The following SMCR8 variants were observed in gnomAD, a reference collection of about 807,000 sequenced individuals.
SMCR8 encodes the protein guanine nucleotide exchange protein SMCR8.
Under a neutral mutation model 56.6 loss-of-function variants are expected in SMCR8, and 30 were observed. The ratio of observed to expected loss-of-function variants is 0.53; its 90% confidence interval spans 0.40 to 0.72. The LOEUF is 0.72. Among genes scored for constraint, SMCR8 ranks in the 30% least tolerant of loss-of-function variants. SMCR8 has a pLI of 0.00. For synonymous variants in SMCR8, 538 were observed against 456.0 expected, an observed-to-expected ratio of 1.18 and a Z score of -2.29; for missense variants, 1,198 against 1,157.0, an observed-to-expected ratio of 1.04 and a Z score of -0.51.
rs1467892549 is a variant in SMCR8 at position 18,316,809 on chromosome 17, C to T, written c.1020C>T (p.His340=). The change falls in exon 1 of 2, where the codon CAC becomes CAT. Residue 340 remains histidine (H), a synonymous_variant. Coordinates refer to ENST00000406438, the MANE Select transcript of SMCR8 (RefSeq NM_144775.3). ...YFTQTLAQLS[H]IEHMFRGDLC... The stretch of plus-strand genomic sequence containing the variant: ...CCCAGACCCTGGCTCAGCTCAGCCA[C>T]ATTGAACACATGTTCAGAGGAGACC... 2 of 1,614,110 alleles carry T rather than the reference C, an allele frequency of 1.2e-6. No homozygotes were observed. The highest frequency in any genetic ancestry group is 3.3e-5 in the Admixed American group (2 of 60,014).
At position 18,317,380 on chromosome 17, in the gene SMCR8, G is replaced by C; in HGVS notation, c.1591G>C (p.Asp531His). 1 of 1,614,104 alleles carries C rather than the reference G, an allele frequency of 6.2e-7. No homozygotes were observed. Among genetic ancestry groups the C allele is most frequent in the East Asian group, 2.2e-5 (1 of 44,890 alleles). The change falls in exon 1 of 2, where the codon GAT becomes CAT. Residue 531 changes from aspartate (D) to histidine (H), a missense_variant. Transcript: ENST00000406438. ...STCPSEALIPDDFKASYPSAI... is the reference protein window; with the variant it reads ...STCPSEALIPHDFKASYPSAI... The stretch of plus-strand genomic sequence containing the variant: ...CTGCCCCTCTGAGGCCCTCATCCCT[G>C]ATGACTTTAAGGCCAGCTACCCAAG...
Position 18,327,154 on chromosome 17 carries a change from A to G in SMCR8, c.*4084A>G, listed in dbSNP as rs1982684619. 6.6e-6 allele frequency: 1 copy of G among 152,226 alleles called. No individual in the cohort carries two copies. Among genetic ancestry groups the G allele is most frequent in the African/African-American group, 2.4e-5 (1 of 41,464 alleles). 9.4% of individuals were successfully genotyped at this position (152,226 alleles called of 1,614,324 possible). A position where few individuals can be genotyped will look rare whatever the true frequency, so the allele number is the denominator to read the frequency against. On this transcript the variant is annotated 3_prime_UTR_variant, in exon 2 of 2. Transcript: ENST00000406438. ...CAATCTCAGCTGACAAGGCTGGGCA[A>G]ACTAAGTTTTCCTGAGCCCATTTTC...
At chr17:18,319,006 C>T (rs982081981) in intron 1 of SMCR8, among the ~76,000 whole-genome samples, 2 of 152,228 alleles carry the variant, frequency 1.3e-5, no homozygotes, top group Non-Finnish European at 2.9e-5. Context: ...GGGAGCCCTG[C>T]ACCCTGGAGG....
intron 1 of SMCR8, among the ~76,000 whole-genome samples, chr17:18,319,339 T>C (rs1193050068): frequency 6.6e-6 from 1 of 152,050 alleles, no homozygotes; most frequent in Non-Finnish European, 1.5e-5. Context: ...TGCTTGGCCC[T>C]GAGAAGCACT....
At position 18,322,510 on chromosome 17, in the gene SMCR8, T is replaced by C. The variant is rs971379442; in HGVS notation, c.2361-107T>C. ...TCTTCCAGGAAGAGCCAGTGCATGC[T>C]GGCTAGGTGGATGCTGGCCTGGGGA... is the stretch of plus-strand genomic sequence containing the variant. On this transcript the variant is annotated intron_variant, in intron 1 of 1. Transcript: ENST00000406438. The C allele has an allele frequency of 9.4e-6, 9 of 959,280 alleles. No homozygotes were observed. In the Admixed American group the frequency reaches 1.6e-4, roughly 17 times the overall value. The allele number at this position is 959,280 out of a possible 1,614,324, so 59.4% of individuals were successfully genotyped here.
At chr17:18,321,729 G>C (rs925446808) in intron 1 of SMCR8, among the ~76,000 whole-genome samples, 1 of 152,216 alleles carries the variant, frequency 6.6e-6, no homozygotes, top group Non-Finnish European at 1.5e-5. Flanking sequence ...ATACTTGGGA[G>C]GCCAAGGTGG....
In SMCR8 at chr17:18,316,587, G is replaced by T; in HGVS notation, c.798G>T (p.Leu266Phe). 6.2e-7 allele frequency: 1 copy of T among 1,614,218 alleles called. No individual in the cohort carries two copies. The change falls in exon 1 of 2, where the codon TTG becomes TTT. Residue 266 changes from leucine (L) to phenylalanine (F), a missense_variant. Physicochemically the swap from Leu to Phe is conservative, Grantham distance 22. Transcript: ENST00000406438. ...ATCGGAAGTTGAAGGGGCATGATTTGTGTCCTGGTGAGATGGAGCACATCC... is the reference window on the plus strand; with the variant it reads ...ATCGGAAGTTGAAGGGGCATGATTTTTGTCCTGGTGAGATGGAGCACATCC... ...YPHRKLKGHD[L>F]CPGEMEHIQD...
Position 18,318,037 on chromosome 17 carries a change from C to T in SMCR8, c.2248C>T (p.Leu750=), listed in dbSNP as rs149406002. The part of the protein sequence containing the change: ...EAIVRKLVTA[L]AIFVPSYGCY... The stretch of plus-strand genomic sequence containing the variant: ...CATAGTCAGGAAACTCGTGACTGCA[C>T]TGGCTATCTTTGTCCCCAGCTATGG... Residue 750 remains leucine, a synonymous_variant, in exon 1 of 2, where the codon CTG becomes TTG. Coordinates refer to ENST00000406438, the MANE Select transcript of SMCR8 (RefSeq NM_144775.3). 2.4e-5 allele frequency: 39 copies of T among 1,614,258 alleles called. No homozygotes were observed. In the Middle Eastern group the frequency reaches 4.9e-4, roughly 20 times the overall value.
chr17:18,320,916 C>T (rs1168159043), intron 1 of SMCR8, among the ~76,000 whole-genome samples: 1 of 152,202 alleles, frequency 6.6e-6, no homozygotes, highest in Non-Finnish European at 1.5e-5. Flanking sequence ...CCAGGTCTTC[C>T]CAACTACAGC....
At chr17:18,319,485 C>G (rs1300601933) in intron 1 of SMCR8, among the ~76,000 whole-genome samples, 1 of 152,162 alleles carries the variant, frequency 6.6e-6, no homozygotes, top group Non-Finnish European at 1.5e-5. Flanking sequence ...GCTGCAGAGG[C>G]TCTGCACTCT....
chr17:18,319,494 C>CT (rs1224855863), intron 1 of SMCR8, among the ~76,000 whole-genome samples: 2 of 152,164 alleles, frequency 1.3e-5, no homozygotes, highest in African/African-American at 4.8e-5. Flanking sequence ...GCTCTGCACT[C>CT]TGAGCACCAC....
At chr17:18,322,404 T>C (rs1054367585) in intron 1 of SMCR8, among the ~76,000 whole-genome samples, 9 of 152,200 alleles carry the variant, frequency 5.9e-5, no homozygotes, top group African/African-American at 1.9e-4. Context: ...CACAAAGGGC[T>C]TTGTGGGCCA....
chr17:18,316,383 G>T lies in SMCR8; in HGVS notation c.594G>T (p.Lys198Asn). ...RKAFAGELEK[K>N]LKDLDYTRTV... is the part of the protein sequence containing the mutation. ...CATTTGCTGGGGAACTTGAAAAAAA[G>T]CTGAAAGACTTGGATTACACCAGGA... Residue 198 changes from lysine to asparagine, a missense_variant, in exon 1 of 2, where the codon AAG becomes AAT. Lys to Asn is a moderately conservative substitution (Grantham distance 94). Transcript: ENST00000406438. The T allele has an allele frequency of 6.2e-7, 1 of 1,614,180 alleles. No individual in the cohort carries two copies. The highest frequency in any genetic ancestry group is 8.5e-7 in the Non-Finnish European group (1 of 1,180,040).
chr17:18,327,657 A>G lies in SMCR8; in HGVS notation c.*4587A>G, dbSNP rs1278753841. ...AGGTTGCAGTGAAAAGCATAATCCT[A>G]TGTGATGAATTTATATGTGTTATTT... On this transcript the variant is annotated 3_prime_UTR_variant, in exon 2 of 2. Coordinates refer to ENST00000406438, the MANE Select transcript of SMCR8 (RefSeq NM_144775.3). The G allele has an allele frequency of 6.6e-6, 1 of 152,350 alleles. No individual in the cohort carries two copies. The highest frequency in any genetic ancestry group is 3.4e-3 in the Middle Eastern group (1 of 294). The allele number at this position is 152,350 out of a possible 1,614,324, so 9.4% of individuals were successfully genotyped here. A position where few individuals can be genotyped will look rare whatever the true frequency, so the allele number is the denominator to read the frequency against.
In SMCR8 at chr17:18,322,019, T is replaced by C. The variant is rs116310540; in HGVS notation, c.2361-598T>C. Among the ~76,000 whole-genome samples, 472 of 152,232 alleles carry C rather than the reference T, an allele frequency of 3.1e-3. 3 individuals are homozygous for C. The highest frequency in any genetic ancestry group is 0.011 in the African/African-American group (453 of 41,542). Reference sequence around the variant, plus strand: ...CAGAAAGAAGAGGTTTTTTTGTTTGTTTTGTTTTTTAAGACAGAGTCTCGC... The same window carrying C: ...CAGAAAGAAGAGGTTTTTTTGTTTGCTTTGTTTTTTAAGACAGAGTCTCGC... On this transcript the variant is annotated intron_variant, in intron 1 of 1. Coordinates refer to ENST00000406438, the MANE Select transcript of SMCR8 (RefSeq NM_144775.3).
rs1179989654 is a variant in SMCR8 at position 18,324,015 on chromosome 17, G to A, written c.*945G>A. 1 of 152,328 alleles carries A rather than the reference G, an allele frequency of 6.6e-6. No individual in the cohort carries two copies. Among genetic ancestry groups the A allele is most frequent in the African/African-American group, 2.4e-5 (1 of 41,470 alleles). The allele number at this position is 152,328 out of a possible 1,614,324, so 9.4% of individuals were successfully genotyped here. ...ACCTTCCTCGTGGGGAAGGTCTGCAGACCCGTGTGAACATGGCAGAGGCCA... is the reference window on the plus strand; with the variant it reads ...ACCTTCCTCGTGGGGAAGGTCTGCAAACCCGTGTGAACATGGCAGAGGCCA... On this transcript the variant is annotated 3_prime_UTR_variant, in exon 2 of 2. Coordinates refer to ENST00000406438, the MANE Select transcript of SMCR8 (RefSeq NM_144775.3).
At position 18,322,929 on chromosome 17, in the gene SMCR8, C is replaced by T; in HGVS notation, c.2673C>T (p.Thr891=). The change falls in exon 2 of 2, where the codon ACC becomes ACT. Residue 891 remains threonine (T), a synonymous_variant. Coordinates refer to ENST00000406438, the MANE Select transcript of SMCR8 (RefSeq NM_144775.3). ...ASRQMSFLKL[T]LGLVNEDVRV... ...GCCAGATGAGCTTCCTAAAGCTGAC[C>T]CTGGGTCTGGTGAATGAGGATGTTA... 6.2e-7 allele frequency: 1 copy of T among 1,614,214 alleles called. No individual in the cohort carries two copies. Among genetic ancestry groups the T allele is most frequent in the Non-Finnish European group, 8.5e-7 (1 of 1,180,040 alleles).
intron 1 of SMCR8, among the ~76,000 whole-genome samples, chr17:18,319,887 A>G (rs1982445506): frequency 6.6e-6 from 1 of 152,026 alleles, no homozygotes; most frequent in Non-Finnish European, 1.5e-5. Flanking sequence ...TGCCAGGCTA[A>G]TTTTTGTATC....
chr17:18,323,164 T>TG lies in SMCR8; in HGVS notation c.*94_*95insG. On this transcript the variant is annotated 3_prime_UTR_variant, in exon 2 of 2. Coordinates refer to ENST00000406438, the MANE Select transcript of SMCR8 (RefSeq NM_144775.3). Reference sequence around the variant, plus strand: ...CAAACAGTTGCCTGAGCTGGACTGTTTAAGTTTCTGGTGTCTGGCAGCATG... The same window carrying TG: ...CAAACAGTTGCCTGAGCTGGACTGTTGTAAGTTTCTGGTGTCTGGCAGCATG... 1 of 1,143,680 alleles carries TG rather than the reference T, an allele frequency of 8.7e-7. No homozygotes were observed. The highest frequency in any genetic ancestry group is 1.2e-6 in the Non-Finnish European group (1 of 803,692). The allele number at this position is 1,143,680 out of a possible 1,614,324, so 70.8% of individuals were successfully genotyped here. A position where few individuals can be genotyped will look rare whatever the true frequency, so the allele number is the denominator to read the frequency against.
Sources: gnomAD v4.1 joint callset for allele counts (sites outside exome capture counted in the v4.1 genomes callset) on GRCh38, gnomAD v4.1.1 for gene constraint, MANE v1.5 for transcripts, NCBI Gene and HGNC (gene_info 2026-07-23, HGNC 2026-07-21) for gene names.